Variants in GMEB2 observed in about 807,000 individuals in gnomAD.
The protein encoded by GMEB2 is glucocorticoid modulatory element binding protein 2.
A neutral mutation model predicts 45.7 loss-of-function variants in GMEB2; 7 were observed. The observed-to-expected ratio is 0.15, with a 90% CI of 0.09 to 0.29. GMEB2 has a LOEUF of 0.29. Ranked by LOEUF, GMEB2 falls within the 10% of genes least tolerant of loss-of-function variation. The pLI is 1.00. For synonymous variants in GMEB2, 322 were observed against 323.6 expected, an observed-to-expected ratio of 1.00 and a Z score of 0.05; for missense variants, 582 against 739.2, an observed-to-expected ratio of 0.79 and a Z score of 2.47.
chr20:63,607,215 T>C (rs868576421), intron 2 of GMEB2, among the ~76,000 whole-genome samples: 19 of 108,958 alleles, frequency 1.7e-4, no homozygotes, highest in East Asian at 2.4e-4. Flanking sequence ...CCTCCATTTC[T>C]AGAAACATGC....
At chr20:63,595,477 G>A (rs2083188150) in intron 6 of GMEB2, 133 bp downstream of exon 6, 3 of 728,886 alleles carry the variant, frequency 4.1e-6, no homozygotes, top group East Asian at 5.5e-5. Context: ...ACAACTCAGG[G>A]TCCCAGGCAG....
At chr20:63,603,250 C>T (rs1424287467) in intron 3 of GMEB2, among the ~76,000 whole-genome samples, 158 bp from the exon 4 acceptor site, 1 of 152,150 alleles carries the variant, frequency 6.6e-6, no homozygotes, top group African/African-American at 2.4e-5. Context: ...GCAGGGCATG[C>T]CCATCAGTGC....
rs149662152 is a variant in GMEB2 at position 63,619,625 on chromosome 20, A to T, written c.-57-171T>A. 8.8e-4 allele frequency: 374 copies of T among 424,492 alleles called. No homozygotes were observed. The highest frequency in any genetic ancestry group is 6.7e-3 in the African/African-American group (329 of 48,996). 26.3% of individuals were successfully genotyped at this position (424,492 alleles called of 1,614,324 possible). On this transcript the variant is annotated intron_variant, in intron 1 of 9. Coordinates refer to ENST00000370077, the MANE Select transcript of GMEB2 (RefSeq NM_012384.5). This position sits in a 1 kb window ranked among gnomAD's most constrained non-coding sequence, Gnocchi z 4.6. ...AGGGCTACTCCAGGCTCTGGTTCCG[A>T]GGGCGGTGTAAGCGCACTCCACCCG... is the stretch of plus-strand genomic sequence containing the variant.
intron 5 of GMEB2, among the ~76,000 whole-genome samples, chr20:63,596,083 C>T (rs1238521623): frequency 6.6e-6 from 1 of 152,236 alleles, no homozygotes; most frequent in East Asian, 1.9e-4. Context: ...TCCCACTACC[C>T]CAGCCCCAAG....
At position 63,592,565 on chromosome 20, in the gene GMEB2, T is replaced by C. The variant is rs753266984; in HGVS notation, c.797A>G (p.Gln266Arg). Residue 266 changes from glutamine to arginine, a missense_variant, in exon 8 of 10, where the codon CAG (glutamine) becomes CGG (arginine). Physicochemically the swap from Gln to Arg is conservative, Grantham distance 43. This residue lies in a region of GMEB2 where 462 missense variants were observed against 586.7 expected (regional missense o/e 0.79). Transcript: ENST00000370077. The surrounding 1 kb of genome is among the most constrained non-coding windows in gnomAD (Gnocchi z 8.2). Reference protein sequence around the residue: ...ELVETMRGLQQRVQDPPLQLR... With the variant: ...ELVETMRGLQRRVQDPPLQLR... ...CTGCAGGGGAGGGTCCTGGACCCGC[T>C]GCTGCAGGCCTCTCATGGTCTCCAC... is the stretch of plus-strand genomic sequence containing the variant. 6.2e-7 allele frequency: 1 copy of C among 1,612,194 alleles called. No homozygotes were observed. The highest frequency in any genetic ancestry group is 8.5e-7 in the Non-Finnish European group (1 of 1,178,478).
intron 1 of GMEB2, among the ~76,000 whole-genome samples, chr20:63,620,991 A>G (rs948652852): frequency 6.6e-6 from 1 of 152,206 alleles, no homozygotes; most frequent in Middle Eastern, 3.2e-3. Context: ...TGGAAAGAAA[A>G]TCTTGGTATA....
chr20:63,620,610 G>C (rs774219009), intron 1 of GMEB2, among the ~76,000 whole-genome samples: 12 of 152,220 alleles, frequency 7.9e-5, no homozygotes, highest in Admixed American at 7.8e-4. Flanking sequence ...CCACTGCCCA[G>C]GTCTCAGATG....
intron 2 of GMEB2, among the ~76,000 whole-genome samples, chr20:63,615,924 A>G (rs2089605144): frequency 6.6e-6 from 1 of 152,244 alleles, no homozygotes; most frequent in South Asian, 2.1e-4. Context: ...CGATATAAAC[A>G]GAACATCTGG....
chr20:63,590,623 T>C lies in GMEB2; in HGVS notation c.1059A>G (p.Pro353=). The C allele has an allele frequency of 6.3e-7, 1 of 1,590,846 alleles. No individual in the cohort carries two copies. Among genetic ancestry groups the C allele is most frequent in the South Asian group, 1.1e-5 (1 of 88,456 alleles). ...VLMTLTPVSL[P]PPVKRPRLAR... is the part of the protein sequence containing the mutation. Reference sequence around the variant, plus strand: ...CAAGCCGGGGCCGCTTCACAGGCGGTGGCAGGGAGACCGGCGTCAGCGTCA... The same window carrying C: ...CAAGCCGGGGCCGCTTCACAGGCGGCGGCAGGGAGACCGGCGTCAGCGTCA... Residue 353 remains proline (P), a synonymous_variant, in exon 10 of 10, where the codon CCA becomes CCG. Coordinates refer to ENST00000370077, the MANE Select transcript of GMEB2 (RefSeq NM_012384.5).
At chr20:63,596,021 G>T (rs569830862) in intron 5 of GMEB2, among the ~76,000 whole-genome samples, 66 of 152,306 alleles carry the variant, frequency 4.3e-4, no homozygotes, top group African/African-American at 1.6e-3. Flanking sequence ...CTGGCCAGTG[G>T]GTGTCCTGGA....
Position 63,601,148 on chromosome 20 carries a change from T to G in GMEB2, c.357+1817A>C, listed in dbSNP as rs572882280. Reference sequence around the variant, plus strand: ...TAACATAAATAAATAACATGAAATATATGGAGATAGGTATATAGACTCATA... The same window carrying G: ...TAACATAAATAAATAACATGAAATAGATGGAGATAGGTATATAGACTCATA... On this transcript the variant is annotated intron_variant, in intron 4 of 9. Transcript: ENST00000370077. Among the ~76,000 whole-genome samples the G allele has an allele frequency of 3.5e-4, 53 of 152,324 alleles. 1 individual carries two copies. Among genetic ancestry groups the G allele is most frequent in the Admixed American group, 1.9e-3 (29 of 15,290 alleles).
At chr20:63,617,276 G>A (rs780388169) in intron 2 of GMEB2, among the ~76,000 whole-genome samples, 5 of 152,020 alleles carry the variant, frequency 3.3e-5, no homozygotes, top group Non-Finnish European at 4.4e-5. Context: ...GCGCCTGGCC[G>A]ACCGTGACCT....
chr20:63,616,452 A>C (rs1312655043), intron 2 of GMEB2, among the ~76,000 whole-genome samples: 1 of 152,240 alleles, frequency 6.6e-6, no homozygotes. Flanking sequence ...CTCAAAAAAA[A>C]ATAAAAATAA....
chr20:63,604,824 C>T lies in GMEB2; in HGVS notation c.148G>A (p.Asp50Asn). Residue 50 changes from aspartate (D) to asparagine (N), a missense_variant, in exon 3 of 10, where the codon GAT becomes AAT. Coordinates refer to ENST00000370077, the MANE Select transcript of GMEB2 (RefSeq NM_012384.5). ...GCTGCATTTTCTGTCTCCATGTTAT[C>T]TTCCGTCAGGTCGCCCCTGGTGAAG... ...LAPHGGDLTE[D>N]NMETENAAAA... The T allele has an allele frequency of 1.7e-5, 27 of 1,608,462 alleles. No individual in the cohort carries two copies. The highest frequency in any genetic ancestry group is 2.3e-5 in the Non-Finnish European group (27 of 1,174,900).
chr20:63,596,442 T>A (rs1418642813), intron 5 of GMEB2, among the ~76,000 whole-genome samples: 1 of 152,222 alleles, frequency 6.6e-6, no homozygotes, highest in Non-Finnish European at 1.5e-5. Context: ...CATTCAATCT[T>A]TGGGCAGCAC....
intron 1 of GMEB2, among the ~76,000 whole-genome samples, chr20:63,624,442 T>C (rs1006359379): frequency 6.9e-6 from 1 of 144,970 alleles, no homozygotes; most frequent in East Asian, 2.0e-4. Flanking sequence ...AAAAAAAAAA[T>C]TAAAATTAAA....
At position 63,592,626 on chromosome 20, in the gene GMEB2, G is replaced by A; in HGVS notation, c.736C>T (p.Leu246=). The change falls in exon 8 of 10, where the codon CTG becomes TTG. Residue 246 remains leucine, a synonymous_variant. Transcript: ENST00000370077. The surrounding 1 kb of genome is among the most constrained non-coding windows in gnomAD (Gnocchi z 8.2). ...FWRGLKDAGL[L]DEVIQEFHQE... ...TGGAACTCCTGGATGACCTCGTCCA[G>A]CAGGCCGGCGTCCTTCAGCCCCCGC... The A allele has an allele frequency of 6.2e-7, 1 of 1,612,448 alleles. No homozygotes were observed. Among genetic ancestry groups the A allele is most frequent in the Non-Finnish European group, 8.5e-7 (1 of 1,178,534 alleles).
intron 2 of GMEB2, among the ~76,000 whole-genome samples, chr20:63,611,630 AAC>A (rs1226637281): frequency 2.0e-5 from 3 of 152,080 alleles, no homozygotes; most frequent in African/African-American, 7.2e-5. Flanking sequence ...AAAAAAAGGA[AAC>A]ACATCTGACT....
intron 2 of GMEB2, among the ~76,000 whole-genome samples, chr20:63,609,448 A>C (rs1300898341): frequency 4.0e-5 from 3 of 74,706 alleles, no homozygotes; most frequent in East Asian, 7.0e-4. Context: ...TGCCCCTCTC[A>C]CCCCACATCC....
Sources: gnomAD v4.1 joint callset for allele counts (sites outside exome capture counted in the v4.1 genomes callset) on GRCh38, gnomAD v4.1.1 for gene constraint, gnomAD v4.1.1 regional missense constraint, Gnocchi (gnomAD v3.1) non-coding constraint, MANE v1.5 for transcripts, NCBI Gene and HGNC (gene_info 2026-07-23, HGNC 2026-07-21) for gene names.